The following RIT2 variants were observed in gnomAD, a reference collection of about 807,000 sequenced individuals.
RIT2 encodes GTP-binding protein Rit2.
Under a neutral mutation model 23.7 loss-of-function variants are expected in RIT2, and 24 were observed. The observed-to-expected ratio is 1.01, with a 90% confidence interval of 0.73 to 1.43. The LOEUF is 1.43. Among genes scored for constraint, RIT2 ranks in the 40% most tolerant of loss-of-function variants. The pLI is 0.00. For missense variants in RIT2, 236 were observed against 266.9 expected (o/e 0.88, Z 0.81); for synonymous variants, 107 against 91.1 (o/e 1.17, Z -0.99).
chr18:42,780,769 A>T (rs1913792145), intron 4 of RIT2, among the ~76,000 whole-genome samples: 1 of 150,748 alleles, frequency 6.6e-6, no homozygotes, highest in Non-Finnish European at 1.5e-5. Context: ...GGAAAGTGTA[A>T]TGCGCCATGT....
intron 1 of RIT2, among the ~76,000 whole-genome samples, chr18:43,091,489 T>C (rs1386541770): frequency 6.6e-6 from 1 of 152,074 alleles, no homozygotes; most frequent in Non-Finnish European, 1.5e-5. Context: ...TGGTCTTTAC[T>C]ATGGCCCCAT....
chr18:42,908,552 T>G (rs2144116009), intron 4 of RIT2, among the ~76,000 whole-genome samples: 1 of 152,306 alleles, frequency 6.6e-6, no homozygotes, highest in African/African-American at 2.4e-5. Flanking sequence ...AGAAAACTGC[T>G]GCATTTTCTA....
intron 4 of RIT2, among the ~76,000 whole-genome samples, chr18:42,904,631 A>G (rs2144110778): frequency 6.6e-6 from 1 of 152,338 alleles, no homozygotes; most frequent in East Asian, 1.9e-4. Flanking sequence ...CAAATAACAA[A>G]ATACAACTCA....
intron 3 of RIT2, among the ~76,000 whole-genome samples, chr18:42,948,771 C>T (rs1909783257): frequency 1.3e-5 from 2 of 152,092 alleles, no homozygotes. Flanking sequence ...TCAGCTGGAG[C>T]AAACCAAAAG....
At chr18:43,086,767 A>G (rs1384705449) in intron 1 of RIT2, among the ~76,000 whole-genome samples, 1 of 152,138 alleles carries the variant, frequency 6.6e-6, no homozygotes, top group Non-Finnish European at 1.5e-5. Flanking sequence ...TGAAAAGATC[A>G]TGCTCTATCT....
At chr18:42,964,304 A>G (rs1221006767) in intron 3 of RIT2, among the ~76,000 whole-genome samples, 9 of 152,116 alleles carry the variant, frequency 5.9e-5, no homozygotes, top group Non-Finnish European at 7.4e-5. Context: ...GAACTGGGTC[A>G]GGCAAATCTT....
intron 4 of RIT2, among the ~76,000 whole-genome samples, chr18:42,873,861 A>C (rs1005413202): frequency 3.9e-5 from 6 of 152,186 alleles, no homozygotes; most frequent in African/African-American, 1.2e-4. Flanking sequence ...TTTGAAGCAG[A>C]GAGAGGCTAC....
intron 1 of RIT2, among the ~76,000 whole-genome samples, chr18:43,114,236 T>A (rs888445956): frequency 1.2e-4 from 19 of 152,272 alleles, no homozygotes; most frequent in African/African-American, 4.1e-4. Flanking sequence ...CTATTTCTTT[T>A]ATTTTTTATG....
intron 4 of RIT2, among the ~76,000 whole-genome samples, chr18:42,870,882 C>T (rs553956250): frequency 6.6e-6 from 1 of 152,274 alleles, no homozygotes; most frequent in East Asian, 1.9e-4. Flanking sequence ...CCTTATAGTA[C>T]ACAAACGTTT....
At chr18:43,057,719 C>T (rs189420155) in intron 1 of RIT2, among the ~76,000 whole-genome samples, 125 of 151,290 alleles carry the variant, frequency 8.3e-4, no homozygotes, top group African/African-American at 2.8e-3. Context: ...ATATTCCACC[C>T]AGGAACATCA....
chr18:43,085,055 G>T (rs1913249059), intron 1 of RIT2, among the ~76,000 whole-genome samples: 1 of 152,074 alleles, frequency 6.6e-6, no homozygotes. Context: ...AGAGTAGAAT[G>T]AGAAGGAAGC....
intron 3 of RIT2, among the ~76,000 whole-genome samples, chr18:42,941,122 T>C (rs2144158676): frequency 6.6e-6 from 1 of 152,234 alleles, no homozygotes; most frequent in African/African-American, 2.4e-5. Context: ...TGATCTTGAA[T>C]GTGGGGAAGA....
intron 4 of RIT2, among the ~76,000 whole-genome samples, chr18:42,868,759 C>T (rs150183759): frequency 2.6e-5 from 4 of 152,256 alleles, no homozygotes; most frequent in African/African-American, 9.6e-5. Context: ...ACAAGAATGC[C>T]ACTCTTTAAT....
At chr18:42,934,680 C>T (rs1336700247) in intron 3 of RIT2, among the ~76,000 whole-genome samples, 6 of 152,114 alleles carry the variant, frequency 3.9e-5, no homozygotes, top group Non-Finnish European at 8.8e-5. Context: ...ACATATAAAA[C>T]ATAAGCACAG....
chr18:42,856,261 G>A (rs867219973), intron 4 of RIT2, among the ~76,000 whole-genome samples: 2 of 152,234 alleles, frequency 1.3e-5, no homozygotes, highest in African/African-American at 4.8e-5. Context: ...GTTCAGGAGA[G>A]AGTCCTATCT....
intron 4 of RIT2, among the ~76,000 whole-genome samples, chr18:42,915,992 C>G (rs1435731840): frequency 6.6e-6 from 1 of 151,746 alleles, no homozygotes; most frequent in African/African-American, 2.4e-5. Flanking sequence ...CTTTAAAACA[C>G]TTGTAGGTTC....
At chr18:42,840,985 G>A (rs1339741429) in intron 4 of RIT2, among the ~76,000 whole-genome samples, 1 of 152,142 alleles carries the variant, frequency 6.6e-6, no homozygotes, top group Admixed American at 6.5e-5. Flanking sequence ...TTTCCACAGT[G>A]GAATTTGCAC....
chr18:42,935,411 C>T (rs1006627875), intron 3 of RIT2, among the ~76,000 whole-genome samples: 1 of 152,104 alleles, frequency 6.6e-6, no homozygotes, highest in African/African-American at 2.4e-5. Flanking sequence ...TTTTTTGTGG[C>T]AGTCTTCTGC....
intron 1 of RIT2, among the ~76,000 whole-genome samples, chr18:43,050,955 C>T (rs1241515755): frequency 6.6e-6 from 1 of 152,112 alleles, no homozygotes. Flanking sequence ...TAAGTGTCTC[C>T]CTGAGTTCTC....
Sources: gnomAD v4.1 joint callset for allele counts (sites outside exome capture counted in the v4.1 genomes callset) on GRCh38, gnomAD v4.1.1 for gene constraint, MANE v1.5 for transcripts, NCBI Gene and HGNC (gene_info 2026-07-23, HGNC 2026-07-21) for gene names.